Variants in NOL4 observed in about 807,000 individuals in gnomAD.
NOL4 encodes cancer/testis antigen 125.
A neutral mutation model predicts 75.9 loss-of-function variants in NOL4; 17 were observed. The observed-to-expected ratio is 0.22, with a 90% CI of 0.15 to 0.34. The LOEUF is 0.34. Among genes scored for constraint, NOL4 ranks in the 10% least tolerant of loss-of-function variants. The pLI, the probability that NOL4 is intolerant of heterozygous loss-of-function variation, is 1.00. For missense variants in NOL4, 614 were observed against 793.5 expected (o/e 0.77, Z 2.72); for synonymous variants, 292 against 289.9 (o/e 1.01, Z -0.07).
At chr18:33,970,221 A>T (rs2070942148) in intron 6 of NOL4, among the ~76,000 whole-genome samples, 1 of 152,206 alleles carries the variant, frequency 6.6e-6, no homozygotes, top group African/African-American at 2.4e-5. Context: ...AGTTCTTAAT[A>T]TATTTATCCA....
intron 6 of NOL4, among the ~76,000 whole-genome samples, chr18:33,980,962 A>G (rs532060633): frequency 1.3e-5 from 2 of 152,172 alleles, no homozygotes; most frequent in African/African-American, 4.8e-5. Flanking sequence ...ACAACATACA[A>G]TAACTGATGG....
At chr18:34,027,503 G>C (rs551757091) in intron 5 of NOL4, among the ~76,000 whole-genome samples, 2 of 152,198 alleles carry the variant, frequency 1.3e-5, no homozygotes, top group Admixed American at 1.3e-4. Flanking sequence ...CTTCACTGCT[G>C]TATGCCTTGA....
chr18:34,170,569 A>C lies in NOL4; in HGVS notation c.265-40549T>G, dbSNP rs942019389. On this transcript the variant is annotated intron_variant, in intron 1 of 10. Transcript: ENST00000261592. ...AACTGATAACATGTTGAAATGGTAA[A>C]ATGTTGAATATATTGGGTTAAATGA... 7.9e-5 allele frequency among the ~76,000 whole-genome samples: 12 copies of C among 152,160 alleles called. No individual in the cohort carries two copies. In the South Asian group the frequency reaches 8.3e-4, roughly 11 times the overall value.
chr18:34,169,662 C>A (rs2032822879), intron 1 of NOL4, among the ~76,000 whole-genome samples: 1 of 152,014 alleles, frequency 6.6e-6, no homozygotes. Flanking sequence ...ATGCACCATG[C>A]CAATACTACA....
At chr18:33,858,723 T>C (rs1052997069) in intron 10 of NOL4, among the ~76,000 whole-genome samples, 3 of 152,060 alleles carry the variant, frequency 2.0e-5, no homozygotes, top group Admixed American at 1.3e-4. Context: ...TTTTTCCTTC[T>C]TTTAGAATTG....
chr18:34,033,935 C>G (rs571787124), intron 5 of NOL4, among the ~76,000 whole-genome samples: 3 of 152,072 alleles, frequency 2.0e-5, no homozygotes, highest in African/African-American at 7.2e-5. Flanking sequence ...GGATACTATA[C>G]CCAGCAAAAT....
intron 5 of NOL4, among the ~76,000 whole-genome samples, chr18:34,029,904 T>C (rs1474831913): frequency 6.6e-6 from 1 of 152,090 alleles, no homozygotes; most frequent in Non-Finnish European, 1.5e-5. Context: ...TTTTCAATAA[T>C]AAATATAGTG....
At chr18:34,123,908 T>C (rs1188313141) in intron 2 of NOL4, among the ~76,000 whole-genome samples, 1 of 151,930 alleles carries the variant, frequency 6.6e-6, no homozygotes, top group Non-Finnish European at 1.5e-5. Flanking sequence ...AAACTAGCTA[T>C]AAAATACAAT....
intron 7 of NOL4, among the ~76,000 whole-genome samples, chr18:33,957,761 A>G (rs2069763616): frequency 1.3e-5 from 2 of 152,144 alleles, no homozygotes; most frequent in Non-Finnish European, 2.9e-5. Context: ...AAAAGAATAG[A>G]CTATCGTGTA....
rs532033987 is a variant in NOL4 at position 34,222,973 on chromosome 18, G to T, written c.264+17C>A. On this transcript the variant is annotated intron_variant, in intron 1 of 10. Coordinates refer to ENST00000261592, the MANE Select transcript of NOL4 (RefSeq NM_003787.5). ...CTGCTCCGGCAGACAAATAACAGAG[G>T]AAGGCGAGTCACTCACCGTGGTCTT... 1.0e-5 allele frequency: 16 copies of T among 1,602,344 alleles called. No individual in the cohort carries two copies. The highest frequency in any genetic ancestry group is 1.4e-5 in the Non-Finnish European group (16 of 1,179,286).
At chr18:34,211,255 CTAAT>C (rs1037077675) in intron 1 of NOL4, among the ~76,000 whole-genome samples, 3 of 152,246 alleles carry the variant, frequency 2.0e-5, no homozygotes, top group South Asian at 2.1e-4. Flanking sequence ...AACAAATAAA[CTAAT>C]TGATTGTGAT....
At chr18:33,861,528 T>C (rs150495085) in intron 10 of NOL4, among the ~76,000 whole-genome samples, 23,185 of 152,092 alleles carry the variant, frequency 0.15, 1,902 homozygotes, top group Non-Finnish European at 0.19. Context: ...TCTCTCTTTT[T>C]TTCTTTATTA....
At chr18:34,119,234 A>G (rs537042439) in intron 2 of NOL4, among the ~76,000 whole-genome samples, 1 of 152,216 alleles carries the variant, frequency 6.6e-6, no homozygotes, top group Admixed American at 6.5e-5. Flanking sequence ...CTACTTATCT[A>G]TCTATAGATA....
intron 9 of NOL4, among the ~76,000 whole-genome samples, chr18:33,903,743 G>T (rs1028432090): frequency 6.6e-6 from 1 of 152,090 alleles, no homozygotes; most frequent in Non-Finnish European, 1.5e-5. Context: ...CCCATAACTA[G>T]ACAAGGCTTA....
chr18:34,217,693 T>C (rs1459151959), intron 1 of NOL4, among the ~76,000 whole-genome samples: 1 of 152,138 alleles, frequency 6.6e-6, no homozygotes, highest in Admixed American at 6.5e-5. Context: ...TAAGCAACTT[T>C]TTTTTTTAGC....
At chr18:34,004,209 A>G (rs1403919594) in intron 6 of NOL4, among the ~76,000 whole-genome samples, 2 of 151,948 alleles carry the variant, frequency 1.3e-5, no homozygotes, top group African/African-American at 4.8e-5. Context: ...TACAGACCAA[A>G]CCAGTGTCCA....
chr18:33,871,068 G>A (rs758939149), intron 10 of NOL4, among the ~76,000 whole-genome samples: 6 of 151,932 alleles, frequency 3.9e-5, no homozygotes, highest in Non-Finnish European at 7.4e-5. Flanking sequence ...GCAATTGTTC[G>A]TGGATGAAAA....
chr18:34,213,532 C>T (rs2036663595), intron 1 of NOL4, among the ~76,000 whole-genome samples: 1 of 152,190 alleles, frequency 6.6e-6, no homozygotes, highest in South Asian at 2.1e-4. Context: ...TTGTGATCTA[C>T]CCGCCTCAGC....
At chr18:34,182,703 G>A (rs1376777199) in intron 1 of NOL4, among the ~76,000 whole-genome samples, 5 of 151,516 alleles carry the variant, frequency 3.3e-5, no homozygotes, top group Non-Finnish European at 1.5e-5. Context: ...TGGGTAGTGA[G>A]AATAAGGATT....
Sources: gnomAD v4.1 joint callset for allele counts (sites outside exome capture counted in the v4.1 genomes callset) on GRCh38, gnomAD v4.1.1 for gene constraint, MANE v1.5 for transcripts, NCBI Gene and HGNC (gene_info 2026-07-23, HGNC 2026-07-21) for gene names.